EIF4E: variants seen among roughly 807,000 people sequenced by gnomAD.
EIF4E encodes eukaryotic translation initiation factor 4E.
For synonymous variants in EIF4E, 71 were observed against 88.5 expected (o/e 0.80, Z 1.11); for missense variants, 113 against 265.6 (o/e 0.43, Z 3.99).
intron 2 of EIF4E, among the ~76,000 whole-genome samples, chr4:98,896,133 T>C (rs1320069080): frequency 6.6e-6 from 1 of 151,258 alleles, no homozygotes. Context: ...GAGGCGGAGG[T>C]TGCAGTGAGC....
chr4:98,902,854 C>G (rs1443448118), intron 1 of EIF4E, among the ~76,000 whole-genome samples: 1 of 151,596 alleles, frequency 6.6e-6, no homozygotes, highest in African/African-American at 2.4e-5. Context: ...ACAAACAAAA[C>G]AAAACAAAAC....
rs2110169354 is a variant in EIF4E at position 98,879,515 on chromosome 4, G to A, written c.*1513C>T. The A allele has an allele frequency of 6.6e-6, 1 of 152,234 alleles. No individual in the cohort carries two copies. The highest frequency in any genetic ancestry group is 1.9e-4 in the East Asian group (1 of 5,192). The allele number at this position is 152,234 out of a possible 1,614,324, so 9.4% of individuals were successfully genotyped here. ...TTTGCTTTCAAATGATACCTACAAA[G>A]AGTAGATCAAGTTTTCAAGTTTACA... is the stretch of plus-strand genomic sequence containing the variant. On this transcript the variant is annotated 3_prime_UTR_variant, in exon 7 of 7. Coordinates refer to ENST00000450253, the MANE Select transcript of EIF4E (RefSeq NM_001968.5).
chr4:98,888,396 C>T (rs1349587623), intron 3 of EIF4E, among the ~76,000 whole-genome samples: 1 of 152,068 alleles, frequency 6.6e-6, no homozygotes, highest in African/African-American at 2.4e-5. Flanking sequence ...ATGACTGAAA[C>T]AGTCATTATC....
chr4:98,908,923 T>A (rs755571576), intron 1 of EIF4E, among the ~76,000 whole-genome samples: 1 of 152,226 alleles, frequency 6.6e-6, no homozygotes. Context: ...TGTTTCAGTA[T>A]AATTGTTAAC....
chr4:98,919,867 T>C (rs1471102541), intron 1 of EIF4E, among the ~76,000 whole-genome samples: 1 of 152,152 alleles, frequency 6.6e-6, no homozygotes. Flanking sequence ...CCAGAATTTC[T>C]AGCTTCTGAG....
At chr4:98,921,517 C>T (rs79888878) in intron 1 of EIF4E, among the ~76,000 whole-genome samples, 84 of 151,774 alleles carry the variant, frequency 5.5e-4, no homozygotes, top group African/African-American at 1.8e-3. Flanking sequence ...TACAGGCACC[C>T]GTGACCACGC....
At chr4:98,927,654 C>CAAAAAAAA (rs774720176) in intron 1 of EIF4E, among the ~76,000 whole-genome samples, 23 of 35,090 alleles carry the variant, frequency 6.6e-4, no homozygotes, top group Non-Finnish European at 7.6e-4. Flanking sequence ...GACTCCATCT[C>CAAAAAAAA]AAAAAAAAAA....
In EIF4E at chr4:98,887,866, A is replaced by G. The variant is rs778151191; in HGVS notation, c.285+23T>C. ...AATGGCCCAGTCCTATAATAAATATATAAAATCACCAATTAAGCATACCTT... is the reference window on the plus strand; with the variant it reads ...AATGGCCCAGTCCTATAATAAATATGTAAAATCACCAATTAAGCATACCTT... On this transcript the variant is annotated intron_variant, in intron 4 of 6. Transcript: ENST00000450253. This position sits in a 1 kb window ranked among gnomAD's most constrained non-coding sequence, Gnocchi z 4.0. 24 of 1,603,940 alleles carry G rather than the reference A, an allele frequency of 1.5e-5. No homozygotes were observed. Among genetic ancestry groups the G allele is most frequent in the Non-Finnish European group, 1.9e-5 (22 of 1,172,132 alleles).
At chr4:98,920,962 A>T (rs1725619816) in intron 1 of EIF4E, among the ~76,000 whole-genome samples, 2 of 152,196 alleles carry the variant, frequency 1.3e-5, no homozygotes, top group Admixed American at 1.3e-4. Context: ...CAAGATAGTA[A>T]TAAAGCTTGA....
intron 1 of EIF4E, chr4:98,909,452 T>G (rs1020963356): frequency 1.2e-5 from 6 of 519,816 alleles, no homozygotes; most frequent in Admixed American, 4.0e-5. Flanking sequence ...GTTCTCACAC[T>G]TGAACACACA....
chr4:98,915,283 A>G (rs1179569166), intron 1 of EIF4E, among the ~76,000 whole-genome samples: 1 of 152,102 alleles, frequency 6.6e-6, no homozygotes, highest in African/African-American at 2.4e-5. Flanking sequence ...AAAGGGAAAA[A>G]GAAAAGGTAC....
At chr4:98,923,319 C>A (rs74932266) in intron 1 of EIF4E, among the ~76,000 whole-genome samples, 1 of 144,962 alleles carries the variant, frequency 6.9e-6, no homozygotes, top group Non-Finnish European at 1.5e-5. Flanking sequence ...TTTTCTTTTT[C>A]TTTTTTTTTT....
Position 98,887,621 on chromosome 4 carries a change from C to T in EIF4E, c.285+268G>A, listed in dbSNP as rs1023895825. On this transcript the variant is annotated intron_variant, in intron 4 of 6. Coordinates refer to ENST00000450253, the MANE Select transcript of EIF4E (RefSeq NM_001968.5). The surrounding 1 kb of genome is among the most constrained non-coding windows in gnomAD (Gnocchi z 4.0). The stretch of plus-strand genomic sequence containing the variant: ...GTTAAGAATGCTTGATAAACTCAGT[C>T]TGCTCAAATATATAAAGGAAGGAGT... Among the ~76,000 whole-genome samples the T allele has an allele frequency of 6.6e-6, 1 of 152,160 alleles. No individual in the cohort carries two copies. The highest frequency in any genetic ancestry group is 1.5e-5 in the Non-Finnish European group (1 of 68,034).
intron 1 of EIF4E, among the ~76,000 whole-genome samples, chr4:98,919,234 G>A (rs541077197): frequency 1.3e-5 from 2 of 151,950 alleles, no homozygotes; most frequent in African/African-American, 2.4e-5. Flanking sequence ...GAACCCGGGA[G>A]GTGGATGTTG....
At chr4:98,906,796 C>T (rs77399663) in intron 1 of EIF4E, among the ~76,000 whole-genome samples, 1 of 152,052 alleles carries the variant, frequency 6.6e-6, no homozygotes. Flanking sequence ...CTGATCACAC[C>T]CTCTAGAGCC....
At chr4:98,886,994 A>G in intron 5 of EIF4E, 85 bp downstream of exon 5, 1 of 1,371,172 alleles carries the variant, frequency 7.3e-7, no homozygotes, top group Non-Finnish European at 1.0e-6. Context: ...TCTTAAATTA[A>G]GTAACAAATG....
chr4:98,884,872 T>C, intron 6 of EIF4E, 50 bp downstream of exon 6: 1 of 1,605,548 alleles, frequency 6.2e-7, no homozygotes, highest in Non-Finnish European at 8.5e-7. Flanking sequence ...TAACTTCTGG[T>C]TTTACTCATC....
At chr4:98,893,067 T>G (rs1317622191) in intron 2 of EIF4E, among the ~76,000 whole-genome samples, 1 of 152,204 alleles carries the variant, frequency 6.6e-6, no homozygotes, top group Non-Finnish European at 1.5e-5. Flanking sequence ...GTCACACAAA[T>G]TTTTTGGTTT....
intron 2 of EIF4E, 74 bp from the exon 3 acceptor site, chr4:98,891,406 C>A: frequency 1.4e-6 from 2 of 1,396,816 alleles, no homozygotes; most frequent in South Asian, 2.5e-5. Context: ...TCACAAAAGT[C>A]AAAAGGTAGA....
Sources: allele counts gnomAD v4.1 joint callset (sites outside exome capture counted in the v4.1 genomes callset), GRCh38; gene constraint gnomAD v4.1.1; non-coding constraint Gnocchi (gnomAD v3.1); transcripts MANE v1.5; gene names NCBI Gene and HGNC (gene_info 2026-07-23, HGNC 2026-07-21).